The following EXTL3 variants were observed in gnomAD, a reference collection of about 807,000 sequenced individuals.
EXTL3 encodes exostosin like glycosyltransferase 3.
EXTL3 carries 27 observed loss-of-function variants against 69.3 expected under a neutral mutation model. The observed-to-expected ratio is 0.39, with a 90% CI of 0.29 to 0.54. The LOEUF is 0.54. Ranked by LOEUF, EXTL3 falls within the 20% of genes least tolerant of loss-of-function variation. The probability of loss-of-function intolerance (pLI) is 0.69; values close to 1 mark genes in which losing one functional copy is unlikely to be tolerated. For synonymous variants in EXTL3, 511 were observed against 499.4 expected, an observed-to-expected ratio of 1.02 and a Z score of -0.31; for missense variants, 1,003 against 1,231.8, an observed-to-expected ratio of 0.81 and a Z score of 2.78.
At chr8:28,609,759 G>A (rs1806247388) in intron 2 of EXTL3, among the ~76,000 whole-genome samples, 1 of 151,864 alleles carries the variant, frequency 6.6e-6, no homozygotes, top group East Asian at 1.9e-4. Context: ...GCGTGATGGT[G>A]TGAGCCCATA....
At chr8:28,670,394 G>C (rs1807267451) in intron 1 of EXTL3, among the ~76,000 whole-genome samples, 1 of 152,086 alleles carries the variant, frequency 6.6e-6, no homozygotes, top group Non-Finnish European at 1.5e-5. Context: ...TAAAGATTTA[G>C]TATAGAATTG....
intron 1 of EXTL3, among the ~76,000 whole-genome samples, chr8:28,632,636 C>G (rs1210616545): frequency 6.7e-6 from 1 of 149,894 alleles, no homozygotes; most frequent in Non-Finnish European, 1.5e-5. Flanking sequence ...TCACCACAAC[C>G]TCTGTCTCCT....
chr8:28,615,626 G>A (rs1806321386), intron 2 of EXTL3, among the ~76,000 whole-genome samples: 1 of 152,084 alleles, frequency 6.6e-6, no homozygotes, highest in African/African-American at 2.4e-5. Context: ...GGAGTGCAGT[G>A]GCTTGATCTC....
chr8:28,743,207 C>A lies in EXTL3; in HGVS notation c.2543C>A (p.Pro848His), dbSNP rs765301641. 6.2e-7 allele frequency: 1 copy of A among 1,614,212 alleles called. No individual in the cohort carries two copies. Among genetic ancestry groups the A allele is most frequent in the East Asian group, 2.2e-5 (1 of 44,882 alleles). The change falls in exon 6 of 7, where the codon CCC becomes CAC. Residue 848 changes from proline (P) to histidine (H), a missense_variant. Coordinates refer to ENST00000220562, the MANE Select transcript of EXTL3 (RefSeq NM_001440.4). ...FLVSHITRKP[P>H]IKVTSRWTFR... ...GTCTCCCACATCACTCGGAAGCCCC[C>A]CATCAAGGTGAGGTCCCACCACTGG...
At chr8:28,680,953 C>T (rs1297132181) in intron 1 of EXTL3, among the ~76,000 whole-genome samples, 2 of 152,104 alleles carry the variant, frequency 1.3e-5, no homozygotes, top group Non-Finnish European at 2.9e-5. Flanking sequence ...TCTCAGCTCA[C>T]TGCAACCTCC....
chr8:28,614,788 T>C (rs1806311368), intron 2 of EXTL3, among the ~76,000 whole-genome samples: 1 of 152,352 alleles, frequency 6.6e-6, no homozygotes, highest in South Asian at 2.1e-4. Flanking sequence ...ACTTCTTCCA[T>C]GTATTATTTA....
At chr8:28,749,487 C>A (rs1325765438) in intron 6 of EXTL3, among the ~76,000 whole-genome samples, 1 of 152,186 alleles carries the variant, frequency 6.6e-6, no homozygotes, top group South Asian at 2.1e-4. Context: ...TCCACCCCTC[C>A]CTGCTCCCCT....
intron 3 of EXTL3, among the ~76,000 whole-genome samples, chr8:28,728,045 T>C (rs1801450239): frequency 6.6e-6 from 1 of 152,228 alleles, no homozygotes; most frequent in Non-Finnish European, 1.5e-5. Context: ...GGAGCTTTGT[T>C]TGGCTGAATT....
At chr8:28,652,833 GCT>G (rs1437664997) in intron 1 of EXTL3, among the ~76,000 whole-genome samples, 1 of 152,050 alleles carries the variant, frequency 6.6e-6, no homozygotes, top group Non-Finnish European at 1.5e-5. Flanking sequence ...GTCTGTTCAA[GCT>G]CTTTGTCCTC....
chr8:28,654,117 G>A (rs554219235), intron 1 of EXTL3, among the ~76,000 whole-genome samples: 1 of 152,280 alleles, frequency 6.6e-6, no homozygotes, highest in African/African-American at 2.4e-5. Flanking sequence ...GTTTGCTGAT[G>A]CTCTCTAGGA....
intron 2 of EXTL3, among the ~76,000 whole-genome samples, chr8:28,608,995 G>C (rs1028061817): frequency 2.0e-5 from 3 of 152,172 alleles, no homozygotes; most frequent in Non-Finnish European, 4.4e-5. Flanking sequence ...GTGGCTTCTT[G>C]TGTTGGGTGA....
chr8:28,664,525 A>G (rs1454072717), intron 1 of EXTL3, among the ~76,000 whole-genome samples: 1 of 152,090 alleles, frequency 6.6e-6, no homozygotes, highest in Non-Finnish European at 1.5e-5. Flanking sequence ...CACCTAAAGT[A>G]CTTTTTTCAC....
At chr8:28,693,715 C>T (rs1454063389) in intron 1 of EXTL3, among the ~76,000 whole-genome samples, 1 of 152,200 alleles carries the variant, frequency 6.6e-6, no homozygotes, top group Non-Finnish European at 1.5e-5. Flanking sequence ...AAAGCCAGGA[C>T]TTCTAGAGTG....
chr8:28,700,533 T>TC (rs1394572894), upstream of EXTL3: 1 of 152,068 alleles, frequency 6.6e-6, no homozygotes, highest in East Asian at 1.9e-4. Flanking sequence ...GGGGTGCAGT[T>TC]CTTCTTAAGG....
At chr8:28,732,085 G>T (rs74722123) in intron 4 of EXTL3, among the ~76,000 whole-genome samples, 2,517 of 152,250 alleles carry the variant, frequency 0.017, 38 homozygotes, top group Non-Finnish European at 0.024. Context: ...AGAGCTCTGG[G>T]TTCAAATGCA....
intron 3 of EXTL3, among the ~76,000 whole-genome samples, chr8:28,721,769 A>G (rs536332142): frequency 5.9e-5 from 9 of 152,350 alleles, no homozygotes; most frequent in South Asian, 4.1e-4. Context: ...TATTCTGACC[A>G]GTTTACACAT....
At chr8:28,628,865 G>C (rs531626484) in intron 1 of EXTL3, among the ~76,000 whole-genome samples, 1 of 152,240 alleles carries the variant, frequency 6.6e-6, no homozygotes, top group African/African-American at 2.4e-5. Flanking sequence ...TGTTGGCCAG[G>C]CTGGTCTCCA....
intron 1 of EXTL3, among the ~76,000 whole-genome samples, chr8:28,626,877 T>C (rs1241237595): frequency 2.0e-5 from 3 of 152,174 alleles, no homozygotes; most frequent in East Asian, 3.9e-4. Context: ...CAAGCAATAC[T>C]GTTTATGCAT....
chr8:28,610,127 T>C (rs1015613388), intron 2 of EXTL3, among the ~76,000 whole-genome samples: 7 of 151,910 alleles, frequency 4.6e-5, no homozygotes, highest in Admixed American at 4.6e-4. Flanking sequence ...CACTTGAACC[T>C]GGGAGGTGGA....
Sources: allele counts gnomAD v4.1 joint callset (sites outside exome capture counted in the v4.1 genomes callset), GRCh38; gene constraint gnomAD v4.1.1; transcripts MANE v1.5; gene names NCBI Gene and HGNC (gene_info 2026-07-23, HGNC 2026-07-21).